PARD3B: variants seen among roughly 807,000 people sequenced by gnomAD.
PARD3B encodes the protein partitioning defective 3 homolog B.
PARD3B carries 103 observed loss-of-function variants against 130.2 expected under a neutral mutation model. That is an observed-to-expected ratio of 0.79 (90% CI 0.67 to 0.93). The LOEUF (loss-of-function observed/expected upper bound fraction) is 0.93, where lower values mean the gene tolerates loss of function less well. Among genes scored for constraint, PARD3B ranks in the 40% least tolerant of loss-of-function variants. PARD3B has a pLI of 0.00. For synonymous variants in PARD3B, 583 were observed against 553.2 expected (o/e 1.05, Z -0.76); for missense variants, 1,609 against 1,499.2 (o/e 1.07, Z -1.21).
At chr2:204,581,550 C>G (rs969968198) in intron 1 of PARD3B, among the ~76,000 whole-genome samples, 1 of 151,846 alleles carries the variant, frequency 6.6e-6, no homozygotes, top group Non-Finnish European at 1.5e-5. Flanking sequence ...AAAACAGAAA[C>G]TAGGTGTGGT....
intron 21 of PARD3B, among the ~76,000 whole-genome samples, chr2:205,519,486 T>C (rs1372934845): frequency 6.6e-6 from 1 of 152,258 alleles, no homozygotes; most frequent in Non-Finnish European, 1.5e-5. Context: ...TATCACTTTG[T>C]TGTGATTCTT....
At chr2:204,630,218 G>A (rs1035559267) in intron 1 of PARD3B, among the ~76,000 whole-genome samples, 5 of 152,062 alleles carry the variant, frequency 3.3e-5, no homozygotes, top group East Asian at 3.9e-4. Flanking sequence ...GGTAATGTTA[G>A]CAGGTGTGCT....
rs1390626326 is a variant in PARD3B, at chr2:205,351,067, T to C, written c.2630+49366T>C. ...ATCTGTCTTCTTGGTTCAGTCTTGC[T>C]GGTTTTCTCTTCAAATTAAGTGAAA... On this transcript the variant is annotated intron_variant, in intron 18 of 22. Coordinates refer to ENST00000406610, the MANE Select transcript of PARD3B (RefSeq NM_001302769.2). The surrounding 1 kb of genome is among the most constrained non-coding windows in gnomAD (Gnocchi z 4.2). Among the ~76,000 whole-genome samples the C allele has an allele frequency of 6.6e-6, 1 of 152,246 alleles. No individual in the cohort carries two copies. Among genetic ancestry groups the C allele is most frequent in the African/African-American group, 2.4e-5 (1 of 41,476 alleles).
chr2:205,108,512 C>G, intron 5 of PARD3B, among the ~76,000 whole-genome samples: 1 of 151,608 alleles, frequency 6.6e-6, no homozygotes, highest in East Asian at 1.9e-4. Flanking sequence ...CTTCCTCCCT[C>G]CCTCCCTCTC....
intron 16 of PARD3B, among the ~76,000 whole-genome samples, chr2:205,249,701 G>A (rs770816081): frequency 3.9e-5 from 6 of 152,070 alleles, no homozygotes; most frequent in Non-Finnish European, 7.4e-5. Context: ...AAGGAAGATA[G>A]CAGGATGATT....
At chr2:204,685,993 TTAA>T (rs1340476934) in intron 1 of PARD3B, among the ~76,000 whole-genome samples, 185 bp from the exon 2 acceptor site, 1 of 152,218 alleles carries the variant, frequency 6.6e-6, no homozygotes, top group Admixed American at 6.5e-5. Flanking sequence ...ATTCTCCGAT[TTAA>T]GTTAAACAGG....
chr2:205,518,515 G>A (rs1466465037), intron 21 of PARD3B, among the ~76,000 whole-genome samples: 1 of 152,000 alleles, frequency 6.6e-6, no homozygotes, highest in Non-Finnish European at 1.5e-5. Flanking sequence ...CTGTCATTCG[G>A]TCTTACTTTT....
intron 10 of PARD3B, among the ~76,000 whole-genome samples, chr2:205,156,848 T>C (rs1056597474): frequency 2.0e-5 from 3 of 152,184 alleles, no homozygotes; most frequent in Admixed American, 6.5e-5. Flanking sequence ...GAAAAGATAA[T>C]GATAATGCAA....
chr2:204,664,404 C>T lies in PARD3B; in HGVS notation c.121-21777C>T, dbSNP rs116668569. 0.022 allele frequency among the ~76,000 whole-genome samples: 3,354 copies of T among 152,196 alleles called. 122 individuals are homozygous for T. The highest frequency in any genetic ancestry group is 0.077 in the African/African-American group (3,183 of 41,532). ...TGGAGAAGTTGTGGCCTGCAAGTAACATAAAGCAAATAAAATTTTTGCCAG... is the reference window on the plus strand; with the variant it reads ...TGGAGAAGTTGTGGCCTGCAAGTAATATAAAGCAAATAAAATTTTTGCCAG... On this transcript the variant is annotated intron_variant, in intron 1 of 22. Transcript: ENST00000406610. The surrounding 1 kb of genome is among the most constrained non-coding windows in gnomAD (Gnocchi z 5.2).
chr2:204,736,778 C>T (rs532793702), intron 2 of PARD3B, among the ~76,000 whole-genome samples: 1 of 152,210 alleles, frequency 6.6e-6, no homozygotes, highest in Non-Finnish European at 1.5e-5. Flanking sequence ...ACTTCTTTTC[C>T]TTTGGGTAGA....
intron 20 of PARD3B, among the ~76,000 whole-genome samples, chr2:205,452,463 A>G (rs2048133250): frequency 6.6e-6 from 1 of 152,248 alleles, no homozygotes; most frequent in South Asian, 2.1e-4. Flanking sequence ...TGGGAATCCC[A>G]GTGATAAATG....
At chr2:204,565,605 G>A (rs1465645702) in intron 1 of PARD3B, among the ~76,000 whole-genome samples, 1 of 152,186 alleles carries the variant, frequency 6.6e-6, no homozygotes, top group Non-Finnish European at 1.5e-5. Context: ...GCTCACAGTG[G>A]TGGATACAGG....
At position 204,964,269 on chromosome 2, in the gene PARD3B, G is replaced by T. The variant is rs144901951; in HGVS notation, c.223-883G>T. Among the ~76,000 whole-genome samples the T allele has an allele frequency of 4.7e-3, 713 of 152,310 alleles. 5 individuals are homozygous for T. The highest frequency in any genetic ancestry group is 7.9e-3 in the Non-Finnish European group (535 of 68,036). On this transcript the variant is annotated intron_variant, in intron 2 of 22. Transcript: ENST00000406610. ...CTGATGAGAAACCCTTGAAGTTTCT[G>T]AATGTTGGTGCTGTCTGTTGGCCAA...
At chr2:204,846,993 A>T (rs1169406844) in intron 2 of PARD3B, among the ~76,000 whole-genome samples, 1 of 152,024 alleles carries the variant, frequency 6.6e-6, no homozygotes, top group East Asian at 1.9e-4. Flanking sequence ...GTCATATTTG[A>T]AGTGTGTTAC....
chr2:205,426,023 A>T (rs574666736), intron 19 of PARD3B, among the ~76,000 whole-genome samples: 2 of 152,314 alleles, frequency 1.3e-5, no homozygotes, highest in Non-Finnish European at 2.9e-5. Context: ...AAGAAAAGTG[A>T]TAAATTATCC....
At chr2:205,212,944 A>G (rs143112030) in intron 15 of PARD3B, among the ~76,000 whole-genome samples, 14 of 152,278 alleles carry the variant, frequency 9.2e-5, no homozygotes, top group African/African-American at 3.4e-4. Flanking sequence ...TTGCACAGCA[A>G]TTCCATCGCC....
Position 205,158,594 on chromosome 2 carries a change from G to A in PARD3B, c.1435-128G>A. ...TAAACCCAGCCTTTGCCTGCCAGGA[G>A]CCGATTACAGCTGTGAGAGGTCCAG... On this transcript the variant is annotated intron_variant, in intron 10 of 22. Transcript: ENST00000406610. The surrounding 1 kb of genome is among the most constrained non-coding windows in gnomAD (Gnocchi z 5.4). The A allele has an allele frequency of 2.1e-6, 2 of 942,632 alleles. No individual in the cohort carries two copies. The highest frequency in any genetic ancestry group is 2.4e-5 in the East Asian group (1 of 40,922). 58.4% of individuals were successfully genotyped at this position (942,632 alleles called of 1,614,324 possible). A position where few individuals can be genotyped will look rare whatever the true frequency, so the allele number is the denominator to read the frequency against.
intron 2 of PARD3B, among the ~76,000 whole-genome samples, chr2:204,852,059 CCA>C (rs995072848): frequency 2.6e-5 from 4 of 152,116 alleles, no homozygotes; most frequent in African/African-American, 9.7e-5. Context: ...ACTACAACTC[CCA>C]CAGAGTGATA....
At chr2:205,038,844 G>A (rs927057660) in intron 3 of PARD3B, among the ~76,000 whole-genome samples, 3 of 152,200 alleles carry the variant, frequency 2.0e-5, no homozygotes, top group South Asian at 2.1e-4. Flanking sequence ...TTCCTTCCTC[G>A]TTTTATGGCA....
Sources: allele counts gnomAD v4.1 joint callset (sites outside exome capture counted in the v4.1 genomes callset), GRCh38; gene constraint gnomAD v4.1.1; non-coding constraint Gnocchi (gnomAD v3.1); transcripts MANE v1.5; gene names NCBI Gene and HGNC (gene_info 2026-07-23, HGNC 2026-07-21).